LPAR3: variants seen among roughly 807,000 people sequenced by gnomAD.
LPAR3 encodes lysophosphatidic acid receptor 3, also known as LPA receptor 3.
A neutral mutation model predicts 17.8 loss-of-function variants in LPAR3; 7 were observed. That is an observed-to-expected ratio of 0.39 (90% CI 0.22 to 0.74). The LOEUF is 0.74. LPAR3 is among the 30% of genes least tolerant of loss of function. The pLI, the probability that LPAR3 is intolerant of heterozygous loss-of-function variation, is 0.40. For synonymous variants in LPAR3, 179 were observed against 179.9 expected (o/e 0.99, Z 0.04); for missense variants, 391 against 453.4 (o/e 0.86, Z 1.25).
chr1:84,820,854 C>T (rs558236865), intron 2 of LPAR3, among the ~76,000 whole-genome samples: 1 of 152,104 alleles, frequency 6.6e-6, no homozygotes, highest in South Asian at 2.1e-4. Context: ...CTGAGAATTG[C>T]TAGATCAAAG....
In LPAR3 at chr1:84,817,068, T is replaced by C. The variant is rs76028632; in HGVS notation, c.737-2897A>G. 4.2e-4 allele frequency among the ~76,000 whole-genome samples: 64 copies of C among 152,306 alleles called. No individual in the cohort carries two copies. The East Asian group carries it at 0.012, about 29-fold the overall frequency. On this transcript the variant is annotated intron_variant, in intron 2 of 2. Transcript: ENST00000370611. ...CGTACCTCTGGACACTCATTCATAT[T>C]TGTTAATGCTGAGAATTTTTTTTTT...
chr1:84,854,457 C>G (rs1659779337), intron 2 of LPAR3, among the ~76,000 whole-genome samples: 1 of 152,108 alleles, frequency 6.6e-6, no homozygotes, highest in Non-Finnish European at 1.5e-5. Flanking sequence ...TCAAATAAGC[C>G]TGGAAATAGG....
rs773470787 is a variant in LPAR3 at position 84,865,730 on chromosome 1, T to C, written c.391A>G (p.Ile131Val). The change falls in exon 2 of 3, where the codon ATC (isoleucine) becomes GTC (valine). Residue 131 changes from isoleucine (I) to valine (V), a missense_variant. Coordinates refer to ENST00000370611, the MANE Select transcript of LPAR3 (RefSeq NM_012152.3). ...TTGCTATGGACCCGCATCCTCATGA[T>C]TGACATGTGCCTCTCCACGGCGATA... is the stretch of plus-strand genomic sequence containing the variant. ...LVIAVERHMS[I>V]MRMRVHSNLT... The C allele has an allele frequency of 9.3e-6, 15 of 1,614,156 alleles. No homozygotes were observed. In the South Asian group the frequency reaches 1.1e-4, roughly 12 times the overall value.
At chr1:84,853,785 G>A (rs982009487) in intron 2 of LPAR3, among the ~76,000 whole-genome samples, 24 of 152,098 alleles carry the variant, frequency 1.6e-4, no homozygotes, top group African/African-American at 5.3e-4. Flanking sequence ...CTAAAACCCT[G>A]CTTTGCATTT....
At chr1:84,814,251 C>A in intron 2 of LPAR3, 80 bp from the exon 3 acceptor site, 4 of 1,191,708 alleles carry the variant, frequency 3.4e-6, no homozygotes, top group Non-Finnish European at 4.7e-6. Context: ...CAGCCTTTAG[C>A]CAGTGGCATC....
chr1:84,883,490 C>G (rs963385770), intron 1 of LPAR3, among the ~76,000 whole-genome samples: 1 of 152,220 alleles, frequency 6.6e-6, no homozygotes, highest in Non-Finnish European at 1.5e-5. Flanking sequence ...AACATTCTTA[C>G]TATGTTACCA....
At chr1:84,876,319 C>T (rs889146992) in intron 1 of LPAR3, among the ~76,000 whole-genome samples, 8 of 152,316 alleles carry the variant, frequency 5.3e-5, no homozygotes, top group East Asian at 1.9e-4. Flanking sequence ...TCCAGCTCCC[C>T]TCCCTACCCT....
chr1:84,872,137 C>A (rs1259534433), intron 1 of LPAR3, among the ~76,000 whole-genome samples: 1 of 152,166 alleles, frequency 6.6e-6, no homozygotes, highest in African/African-American at 2.4e-5. Context: ...ATGGTGCCTG[C>A]AACAATGCCC....
chr1:84,830,284 G>T (rs775357282), intron 2 of LPAR3, among the ~76,000 whole-genome samples: 15 of 151,978 alleles, frequency 9.9e-5, no homozygotes, highest in Non-Finnish European at 1.9e-4. Flanking sequence ...AAATAAACAC[G>T]CCCCCATTCC....
At chr1:84,816,819 A>G (rs1225942919) in intron 2 of LPAR3, among the ~76,000 whole-genome samples, 1 of 152,310 alleles carries the variant, frequency 6.6e-6, no homozygotes, top group Non-Finnish European at 1.5e-5. Context: ...AAGCAAAAAA[A>G]TATATAAATA....
intron 1 of LPAR3, among the ~76,000 whole-genome samples, chr1:84,877,649 A>G (rs1660283673): frequency 2.0e-5 from 3 of 152,186 alleles, no homozygotes; most frequent in East Asian, 3.9e-4. Context: ...GTACAACTGG[A>G]ATTTTTATAC....
chr1:84,891,684 A>C (rs1425182778), intron 1 of LPAR3, among the ~76,000 whole-genome samples: 1 of 152,222 alleles, frequency 6.6e-6, no homozygotes, highest in Non-Finnish European at 1.5e-5. Flanking sequence ...TCCATGCATT[A>C]ATGAAACGTT....
rs774854520 is a variant in LPAR3, at chr1:84,814,062, C to T, written c.846G>A (p.Ala282=). Reference sequence around the variant, plus strand: ...TGGGGTTCACGACGGAGTTGAGCAGCGCCAGCAGCAGGAACCACCTTTTCA... The same window carrying T: ...TGGGGTTCACGACGGAGTTGAGCAGTGCCAGCAGCAGGAACCACCTTTTCA... ...QHVKRWFLLL[A]LLNSVVNPII... The change falls in exon 3 of 3, where the codon GCG becomes GCA. Residue 282 remains alanine, a synonymous_variant. Coordinates refer to ENST00000370611, the MANE Select transcript of LPAR3 (RefSeq NM_012152.3). The T allele has an allele frequency of 1.2e-5, 19 of 1,614,010 alleles. No individual in the cohort carries two copies. The highest frequency in any genetic ancestry group is 3.3e-5 in the South Asian group (3 of 91,078).
At chr1:84,837,394 G>A (rs1024038635) in intron 2 of LPAR3, among the ~76,000 whole-genome samples, 1 of 152,058 alleles carries the variant, frequency 6.6e-6, no homozygotes, top group Non-Finnish European at 1.5e-5. Context: ...ATTCCCCTAG[G>A]CTAATCCCAC....
chr1:84,815,787 C>T (rs1427523730), intron 2 of LPAR3, among the ~76,000 whole-genome samples: 1 of 152,166 alleles, frequency 6.6e-6, no homozygotes, highest in Non-Finnish European at 1.5e-5. Flanking sequence ...CACTGAGCAG[C>T]AGTTATCATG....
rs138022723 is a variant in LPAR3 at position 84,842,901 on chromosome 1, C to T, written c.736+22484G>A. On this transcript the variant is annotated intron_variant, in intron 2 of 2. Coordinates refer to ENST00000370611, the MANE Select transcript of LPAR3 (RefSeq NM_012152.3). ...AGCAAAGAAGAAAAAAAAAGATTCC[C>T]TACATGTTGAGACATGGAAGAATTA... Among the ~76,000 whole-genome samples, 543 of 152,274 alleles carry T rather than the reference C, an allele frequency of 3.6e-3. 17 individuals are homozygous for T. The highest frequency in any genetic ancestry group is 0.033 in the Admixed American group (503 of 15,302).
chr1:84,841,441 C>A (rs1225841377), intron 2 of LPAR3, among the ~76,000 whole-genome samples: 1 of 152,108 alleles, frequency 6.6e-6, no homozygotes, highest in Non-Finnish European at 1.5e-5. Flanking sequence ...GTGAATGAAA[C>A]CCCCATGAGA....
chr1:84,840,547 T>C (rs1659486636), intron 2 of LPAR3, among the ~76,000 whole-genome samples: 1 of 152,218 alleles, frequency 6.6e-6, no homozygotes, highest in Non-Finnish European at 1.5e-5. Context: ...CAGAGCCCAC[T>C]TACTTATACA....
chr1:84,815,527 G>T (rs1164061406), intron 2 of LPAR3, among the ~76,000 whole-genome samples: 1 of 152,124 alleles, frequency 6.6e-6, no homozygotes, highest in East Asian at 1.9e-4. Context: ...ACTTCTAAGA[G>T]ATATAATACC....
Sources: allele counts gnomAD v4.1 joint callset (sites outside exome capture counted in the v4.1 genomes callset), GRCh38; gene constraint gnomAD v4.1.1; transcripts MANE v1.5; gene names NCBI Gene and HGNC (gene_info 2026-07-23, HGNC 2026-07-21).